FAM193A: variants seen among roughly 807,000 people sequenced by gnomAD.
FAM193A encodes the protein family with sequence similarity 193 member A.
A neutral mutation model predicts 126.5 loss-of-function variants in FAM193A; 22 were observed. The observed-to-expected ratio is 0.17, with a 90% confidence interval of 0.12 to 0.25. The LOEUF (loss-of-function observed/expected upper bound fraction) is 0.25. FAM193A is among the 10% of genes least tolerant of loss of function. The probability of loss-of-function intolerance (pLI) is 1.00; values close to 1 mark genes in which losing one functional copy is unlikely to be tolerated. For missense variants in FAM193A, 1,675 were observed against 1,672.8 expected (o/e 1.00, Z -0.02); for synonymous variants, 761 against 646.8 (o/e 1.18, Z -2.68).
intron 7 of FAM193A, among the ~76,000 whole-genome samples, chr4:2,656,323 G>C (rs921402921): frequency 6.6e-6 from 1 of 152,170 alleles, no homozygotes; most frequent in African/African-American, 2.4e-5. Context: ...TATAGATCTT[G>C]TCTGCCTTTT....
At chr4:2,626,608 A>T in intron 4 of FAM193A, 31 bp downstream of exon 4, 1 of 676,012 alleles carries the variant, frequency 1.5e-6, no homozygotes, top group Non-Finnish European at 2.7e-6. Context: ...TTGTGGCCCC[A>T]TGCAAACCCC....
intron 10 of FAM193A, among the ~76,000 whole-genome samples, chr4:2,661,764 C>T (rs962906961): frequency 3.9e-5 from 6 of 152,186 alleles, no homozygotes; most frequent in Admixed American, 3.9e-4. Flanking sequence ...TGAAGATGGA[C>T]TCAGTGCATG....
chr4:2,582,519 T>C (rs190442915), intron 1 of FAM193A, among the ~76,000 whole-genome samples: 170 of 152,312 alleles, frequency 1.1e-3, no homozygotes, highest in African/African-American at 3.9e-3. Context: ...CGCATGACTT[T>C]TGTCCTAATT....
At chr4:2,639,928 G>T in intron 6 of FAM193A, 69 bp downstream of exon 6, 1 of 1,458,024 alleles carries the variant, frequency 6.9e-7, no homozygotes. Context: ...ACTGGTGTGC[G>T]TGTACCCGAG....
intron 6 of FAM193A, among the ~76,000 whole-genome samples, chr4:2,641,902 GAGACC>G (rs996884299): frequency 6.6e-6 from 1 of 150,968 alleles, no homozygotes; most frequent in Non-Finnish European, 1.5e-5. Flanking sequence ...CTAGGAGCTG[GAGACC>G]AGACTGGGTA....
intron 19 of FAM193A, among the ~76,000 whole-genome samples, chr4:2,703,658 G>C (rs1033583804): frequency 6.6e-6 from 1 of 152,152 alleles, no homozygotes; most frequent in African/African-American, 2.4e-5. Context: ...AGAAGGGAGA[G>C]GGCTGGGTCA....
chr4:2,547,221 C>G (rs1737618719), intron 1 of FAM193A, among the ~76,000 whole-genome samples: 1 of 152,048 alleles, frequency 6.6e-6, no homozygotes, highest in Non-Finnish European at 1.5e-5. Context: ...AACCCCGTCT[C>G]TACTAAAAAT....
chr4:2,717,312 G>T (rs1233717359), intron 20 of FAM193A, among the ~76,000 whole-genome samples: 1 of 152,150 alleles, frequency 6.6e-6, no homozygotes, highest in Non-Finnish European at 1.5e-5. Flanking sequence ...TGGACTAGAG[G>T]CTGCGCCTGG....
intron 13 of FAM193A, among the ~76,000 whole-genome samples, chr4:2,685,573 G>C (rs1381279382): frequency 6.6e-6 from 1 of 152,176 alleles, no homozygotes; most frequent in Non-Finnish European, 1.5e-5. Flanking sequence ...ATCTCTGGGA[G>C]AAATACCAAA....
At chr4:2,545,538 A>C (rs1737493285) in intron 1 of FAM193A, among the ~76,000 whole-genome samples, 1 of 152,158 alleles carries the variant, frequency 6.6e-6, no homozygotes, top group African/African-American at 2.4e-5. Flanking sequence ...TTTGGTGGAC[A>C]TGAGCACTCA....
intron 19 of FAM193A, among the ~76,000 whole-genome samples, chr4:2,715,681 A>C (rs17697511): frequency 1.3e-5 from 2 of 152,158 alleles, no homozygotes; most frequent in Admixed American, 6.5e-5. Context: ...TTGCGTGCGA[A>C]TTAGATTTCT....
intron 13 of FAM193A, 37 bp from the exon 14 acceptor site, chr4:2,689,469 T>G: frequency 6.8e-7 from 1 of 1,462,844 alleles, no homozygotes; most frequent in Non-Finnish European, 9.3e-7. Flanking sequence ...AACAGAATAT[T>G]AATTTTGATA....
intron 1 of FAM193A, among the ~76,000 whole-genome samples, chr4:2,546,397 A>G (rs1458513904): frequency 2.6e-5 from 4 of 152,012 alleles, no homozygotes; most frequent in African/African-American, 9.7e-5. Context: ...TGTTCACAAA[A>G]ACTCCCTCAT....
chr4:2,555,075 T>C (rs1275032616), intron 1 of FAM193A, among the ~76,000 whole-genome samples: 1 of 152,206 alleles, frequency 6.6e-6, no homozygotes, highest in Non-Finnish European at 1.5e-5. Flanking sequence ...GGAGACCTTT[T>C]TTCCTGGCCT....
At chr4:2,656,722 A>G (rs1711729055) in intron 7 of FAM193A, among the ~76,000 whole-genome samples, 1 of 152,238 alleles carries the variant, frequency 6.6e-6, no homozygotes, top group Non-Finnish European at 1.5e-5. Context: ...GAAGCCAGAA[A>G]TCTGGATTAT....
intron 1 of FAM193A, among the ~76,000 whole-genome samples, chr4:2,561,076 T>C (rs975331418): frequency 1.3e-5 from 2 of 152,262 alleles, no homozygotes; most frequent in African/African-American, 4.8e-5. Context: ...CTCTCCAGGC[T>C]TTGGTGAACT....
At chr4:2,616,615 T>C (rs1742203102) in intron 2 of FAM193A, among the ~76,000 whole-genome samples, 1 of 151,874 alleles carries the variant, frequency 6.6e-6, no homozygotes, top group East Asian at 1.9e-4. Context: ...TGGAGTGCAG[T>C]GGCGAGTGAT....
intron 1 of FAM193A, among the ~76,000 whole-genome samples, chr4:2,584,012 G>A (rs1416030182): frequency 6.6e-6 from 1 of 151,896 alleles, no homozygotes; most frequent in African/African-American, 2.4e-5. Context: ...GTGCTTTTGG[G>A]GTCTCAAGAG....
At chr4:2,668,429 G>A (rs907604329) in intron 12 of FAM193A, among the ~76,000 whole-genome samples, 2 of 151,882 alleles carry the variant, frequency 1.3e-5, no homozygotes, top group Non-Finnish European at 2.9e-5. Flanking sequence ...GGCCAGGCTG[G>A]TCTCTAACTG....
Sources: allele counts gnomAD v4.1 joint callset (sites outside exome capture counted in the v4.1 genomes callset), GRCh38; gene constraint gnomAD v4.1.1; transcripts MANE v1.5; gene names NCBI Gene and HGNC (gene_info 2026-07-23, HGNC 2026-07-21).